SMARCAD1: variants seen among roughly 807,000 people sequenced by gnomAD.
SMARCAD1 encodes the protein SWI/SNF-related matrix-associated actin-dependent regulator of chromatin subfamily A containing DEAD/H box 1.
SMARCAD1 carries 25 observed loss-of-function variants against 127.1 expected under a neutral mutation model. The ratio of observed to expected loss-of-function variants is 0.20; its 90% confidence interval spans 0.14 to 0.27. SMARCAD1 has a LOEUF of 0.27. SMARCAD1 is among the 10% of genes least tolerant of loss of function. SMARCAD1 has a pLI of 1.00. For synonymous variants in SMARCAD1, 400 were observed against 396.9 expected, an observed-to-expected ratio of 1.01 and a Z score of -0.09; for missense variants, 807 against 1,206.0, an observed-to-expected ratio of 0.67 and a Z score of 4.90.
intron 9 of SMARCAD1, 144 bp from the exon 10 acceptor site, chr4:94,264,563 G>A: frequency 1.6e-6 from 1 of 615,002 alleles, no homozygotes; most frequent in South Asian, 2.4e-5. Context: ...TAAACATGAA[G>A]AATCAGGTTC....
At chr4:94,268,800 A>G (rs550500314) in intron 10 of SMARCAD1, among the ~76,000 whole-genome samples, 1 of 152,288 alleles carries the variant, frequency 6.6e-6, no homozygotes, top group South Asian at 2.1e-4. Flanking sequence ...TAAATGAAAT[A>G]ATAATGTATA....
chr4:94,284,243 C>T (rs946656251), intron 22 of SMARCAD1, among the ~76,000 whole-genome samples: 2 of 134,042 alleles, frequency 1.5e-5, no homozygotes, highest in African/African-American at 2.9e-5. Context: ...AGGAGAATGA[C>T]GTGAAGCCGG....
At chr4:94,264,613 A>C (rs1185425787) in intron 9 of SMARCAD1, 94 bp from the exon 10 acceptor site, 7 of 1,107,700 alleles carry the variant, frequency 6.3e-6, no homozygotes, top group Non-Finnish European at 9.2e-6. Flanking sequence ...TAAAAGTTTA[A>C]ATTAGCAAAC....
chr4:94,264,793 A>G lies in SMARCAD1; in HGVS notation c.1368A>G (p.Ile456Met), dbSNP rs773779610. 6.2e-7 allele frequency: 1 copy of G among 1,612,936 alleles called. No homozygotes were observed. Residue 456 changes from isoleucine (I) to methionine (M), a missense_variant, in exon 10 of 24, where the codon ATA becomes ATG. Ile to Met is a conservative substitution (Grantham distance 10). Around this residue, in one of 8 missense-constraint regions of SMARCAD1, gnomAD observed 257 missense variants for 303.4 expected, o/e 0.85. Coordinates refer to ENST00000354268, the MANE Select transcript of SMARCAD1 (RefSeq NM_020159.5). ...TGATCCAAGAAAGAGATGTAGTTAT[A>G]AGGCTTATGAACAAATGTGAAGACA... ...KTLIQERDVVIRLMNKCEDIS... is the reference protein window; with the variant it reads ...KTLIQERDVVMRLMNKCEDIS...
chr4:94,229,283 TGTG>T (rs1382119541), intron 3 of SMARCAD1, among the ~76,000 whole-genome samples: 1 of 152,112 alleles, frequency 6.6e-6, no homozygotes, highest in African/African-American at 2.4e-5. Flanking sequence ...GGTGGGAAAA[TGTG>T]GTATACTAAC....
chr4:94,269,905 T>A (rs747188565), intron 10 of SMARCAD1, among the ~76,000 whole-genome samples: 6 of 151,906 alleles, frequency 3.9e-5, no homozygotes, highest in Non-Finnish European at 8.8e-5. Context: ...ACTCCTGAGC[T>A]CAAGCAATCT....
In SMARCAD1 at chr4:94,273,676, T is replaced by C; in HGVS notation, c.1632T>C (p.Asn544=). The change falls in exon 12 of 24, where the codon AAT becomes AAC. Residue 544 remains asparagine (N), a synonymous_variant. Coordinates refer to ENST00000354268, the MANE Select transcript of SMARCAD1 (RefSeq NM_020159.5). ...TGGCATACCTCTATCAGGAGGGTAA[T>C]AATGGTCCTCATTTGATCGTTGTTC... ...AFLAYLYQEG[N]NGPHLIVVPA... is the part of the protein sequence containing the mutation. 1 of 1,613,940 alleles carries C rather than the reference T, an allele frequency of 6.2e-7. No homozygotes were observed. The highest frequency in any genetic ancestry group is 8.5e-7 in the Non-Finnish European group (1 of 1,179,898).
chr4:94,285,903 G>A (rs1754871889), intron 23 of SMARCAD1, among the ~76,000 whole-genome samples: 1 of 152,222 alleles, frequency 6.6e-6, no homozygotes, highest in African/African-American at 2.4e-5. Flanking sequence ...AGGAAATACA[G>A]TAAAGTGAAT....
rs1313033345 is a variant in SMARCAD1, at chr4:94,240,823, A to G, written c.605-83A>G. 5.4e-6 allele frequency: 5 copies of G among 927,740 alleles called. No homozygotes were observed. In the South Asian group the frequency reaches 5.5e-5, roughly 10 times the overall value. 57.5% of individuals were successfully genotyped at this position (927,740 alleles called of 1,614,324 possible). A position where few individuals can be genotyped will look rare whatever the true frequency, so the allele number is the denominator to read the frequency against. On this transcript the variant is annotated intron_variant, in intron 5 of 23. Transcript: ENST00000354268. Reference sequence around the variant, plus strand: ...AGAGAACTGTCTAGTATTCATTATAATACATTTTTGCCTTTGTTTTACATT... The same window carrying G: ...AGAGAACTGTCTAGTATTCATTATAGTACATTTTTGCCTTTGTTTTACATT...
chr4:94,224,155 T>G (rs1461505834), intron 2 of SMARCAD1, among the ~76,000 whole-genome samples: 1 of 152,186 alleles, frequency 6.6e-6, no homozygotes, highest in African/African-American at 2.4e-5. Context: ...TGGATGTGAT[T>G]TATTCCACTA....
At chr4:94,232,936 C>T (rs1418007685) in intron 3 of SMARCAD1, among the ~76,000 whole-genome samples, 1 of 152,140 alleles carries the variant, frequency 6.6e-6, no homozygotes, top group Admixed American at 6.6e-5. Flanking sequence ...GCCAAGATGG[C>T]ACCACTGCAC....
At chr4:94,215,772 A>G (rs1280779062) in intron 2 of SMARCAD1, among the ~76,000 whole-genome samples, 2 of 152,154 alleles carry the variant, frequency 1.3e-5, no homozygotes, top group African/African-American at 4.8e-5. Flanking sequence ...GCAGACCTTT[A>G]TTATCTTTAA....
intron 2 of SMARCAD1, among the ~76,000 whole-genome samples, chr4:94,223,760 T>A (rs1237700402): frequency 1.9e-4 from 12 of 63,092 alleles, no homozygotes; most frequent in African/African-American, 5.5e-4. Flanking sequence ...TTTTTTTTTT[T>A]AAAGTAGAGA....
At chr4:94,226,087 A>G in intron 2 of SMARCAD1, 32 bp from the exon 3 acceptor site, 3 of 1,568,922 alleles carry the variant, frequency 1.9e-6, no homozygotes, top group Non-Finnish European at 2.6e-6. Context: ...CCAGTTGCTC[A>G]AAATATTTTT....
At chr4:94,269,613 ATAAGTGATAACTGT>A in intron 10 of SMARCAD1, among the ~76,000 whole-genome samples, 1 of 152,082 alleles carries the variant, frequency 6.6e-6, no homozygotes, top group Non-Finnish European at 1.5e-5. Flanking sequence ...TAGATGTTCA[ATAAGTGATAACTGT>A]TAATAGTTTT....
intron 12 of SMARCAD1, 65 bp downstream of exon 12, chr4:94,273,781 G>GT: frequency 8.0e-7 from 1 of 1,245,914 alleles, no homozygotes; most frequent in East Asian, 2.4e-5. Flanking sequence ...AAGAGAGTGT[G>GT]TGTAAGGGTG....
chr4:94,226,418 C>A (rs1417586276), intron 3 of SMARCAD1, 122 bp downstream of exon 3: 2 of 685,840 alleles, frequency 2.9e-6, no homozygotes, highest in Non-Finnish European at 4.8e-6. Flanking sequence ...TTTTTTTGCC[C>A]CACCTGCCTT....
At chr4:94,234,622 A>G (rs1233240567) in intron 4 of SMARCAD1, among the ~76,000 whole-genome samples, 1 of 152,240 alleles carries the variant, frequency 6.6e-6, no homozygotes, top group Non-Finnish European at 1.5e-5. Flanking sequence ...ATGTAAAGTG[A>G]TGTTTAGGTA....
chr4:94,250,906 T>TA, intron 8 of SMARCAD1, 73 bp downstream of exon 8: 1 of 1,211,326 alleles, frequency 8.3e-7, no homozygotes, highest in Non-Finnish European at 1.2e-6. Flanking sequence ...GAAAATGGTA[T>TA]ATAAGAAAAG....
Sources: allele counts gnomAD v4.1 joint callset (sites outside exome capture counted in the v4.1 genomes callset), GRCh38; gene constraint gnomAD v4.1.1; regional missense constraint gnomAD v4.1.1; transcripts MANE v1.5; gene names NCBI Gene and HGNC (gene_info 2026-07-23, HGNC 2026-07-21).